Variants in SIMC1 observed in about 807,000 individuals in gnomAD.
SIMC1 encodes SUMO interacting motifs containing 1.
A neutral mutation model predicts 82.3 loss-of-function variants in SIMC1; 55 were observed. That is an observed-to-expected ratio of 0.67 (90% confidence interval 0.54 to 0.84). SIMC1 has a LOEUF of 0.84. Among genes scored for constraint, SIMC1 ranks in the 40% least tolerant of loss-of-function variants. The pLI is 0.00. For synonymous variants in SIMC1, 353 were observed against 426.3 expected (o/e 0.83, Z 2.12); for missense variants, 915 against 1,107.2 (o/e 0.83, Z 2.46).
intron 5 of SIMC1, among the ~76,000 whole-genome samples, chr5:176,316,377 G>A (rs553142229): frequency 1.3e-5 from 2 of 151,230 alleles, no homozygotes; most frequent in Non-Finnish European, 2.9e-5. Context: ...TTAAAGATAG[G>A]CATTTAAGGC....
intron 4 of SIMC1, among the ~76,000 whole-genome samples, chr5:176,300,030 GA>G (rs983428821): frequency 2.0e-5 from 3 of 151,748 alleles, no homozygotes; most frequent in Non-Finnish European, 4.4e-5. Flanking sequence ...ATGGTTCAGA[GA>G]AAAAAAATCT....
Position 176,243,759 on chromosome 5 carries a change from T to G in SIMC1, c.129+5122T>G, listed in dbSNP as rs186819688. The stretch of plus-strand genomic sequence containing the variant: ...TGGTCTAGATCTCCTGACCTCATGA[T>G]CCACCCGCCTCGGCCTCCCAAAGTG... On this transcript the variant is annotated intron_variant, in intron 1 of 9. Coordinates refer to ENST00000429602, the MANE Select transcript of SIMC1 (RefSeq NM_001308195.2). 2.5e-3 allele frequency among the ~76,000 whole-genome samples: 386 copies of G among 152,248 alleles called. 3 individuals carry two copies. The highest frequency in any genetic ancestry group is 8.8e-3 in the African/African-American group (365 of 41,528).
At chr5:176,311,583 G>C (rs956485972) in intron 4 of SIMC1, among the ~76,000 whole-genome samples, 5 of 151,578 alleles carry the variant, frequency 3.3e-5, no homozygotes, top group African/African-American at 1.2e-4. Flanking sequence ...AATTATTTGG[G>C]GAAAATAGGT....
At chr5:176,321,156 A>G (rs1219682476) in intron 5 of SIMC1, among the ~76,000 whole-genome samples, 1 of 152,132 alleles carries the variant, frequency 6.6e-6, no homozygotes, top group Non-Finnish European at 1.5e-5. Context: ...CCTATAAAAT[A>G]TATTTTTTTA....
chr5:176,270,004 G>A (rs537686654), intron 1 of SIMC1, among the ~76,000 whole-genome samples: 42 of 151,220 alleles, frequency 2.8e-4, no homozygotes, highest in Non-Finnish European at 4.3e-4. Flanking sequence ...AGATCCTCCC[G>A]CCTAGGCCTC....
intron 4 of SIMC1, among the ~76,000 whole-genome samples, chr5:176,311,099 A>G (rs2113338462): frequency 6.6e-6 from 1 of 152,336 alleles, no homozygotes; most frequent in South Asian, 2.1e-4. Flanking sequence ...GTAAGTGCCC[A>G]TGAGGGATCT....
At chr5:176,274,332 G>A (rs1481361561) in intron 1 of SIMC1, among the ~76,000 whole-genome samples, 5 of 148,846 alleles carry the variant, frequency 3.4e-5, no homozygotes, top group Non-Finnish European at 3.0e-5. Flanking sequence ...CATGTCCTTC[G>A]CCCACTTTTT....
chr5:176,289,540 C>G, intron 1 of SIMC1, 114 bp from the exon 2 acceptor site: 1 of 787,358 alleles, frequency 1.3e-6, no homozygotes, highest in Non-Finnish European at 2.0e-6. Flanking sequence ...TGTAACTTAT[C>G]AGTGAGGTGA....
At chr5:176,316,427 G>A (rs939660104) in intron 5 of SIMC1, among the ~76,000 whole-genome samples, 2 of 151,150 alleles carry the variant, frequency 1.3e-5, no homozygotes, top group Non-Finnish European at 2.9e-5. Flanking sequence ...AACACTTTGG[G>A]AGGCCAAGGT....
At chr5:176,297,492 A>T (rs2113287492) in intron 4 of SIMC1, among the ~76,000 whole-genome samples, 1 of 147,850 alleles carries the variant, frequency 6.8e-6, no homozygotes, top group East Asian at 2.0e-4. Context: ...GCAAGAGCGA[A>T]ACTCTGTCTC....
chr5:176,286,889 C>T (rs942737578), intron 1 of SIMC1, among the ~76,000 whole-genome samples: 15 of 152,210 alleles, frequency 9.9e-5, no homozygotes, highest in Non-Finnish European at 1.8e-4. Flanking sequence ...TGCTCATCAT[C>T]ACTGGCTATC....
At chr5:176,243,709 C>T (rs1443355891) in intron 1 of SIMC1, among the ~76,000 whole-genome samples, 4 of 151,916 alleles carry the variant, frequency 2.6e-5, no homozygotes, top group African/African-American at 4.8e-5. Flanking sequence ...TTAGTAGAGA[C>T]GGGGTTTCAC....
rs553981919 is a variant in SIMC1 at position 176,271,929 on chromosome 5, TA to T, written c.130-17723del. ...TAGTATATAATTGTATATTATATTA[TA>T]ATATATACTATTATATATTATATAT... is the stretch of plus-strand genomic sequence containing the variant. On this transcript the variant is annotated intron_variant, in intron 1 of 9. Coordinates refer to ENST00000429602, the MANE Select transcript of SIMC1 (RefSeq NM_001308195.2). Among the ~76,000 whole-genome samples, 145 of 47,102 alleles carry T rather than the reference TA, an allele frequency of 3.1e-3. 1 individual carries two copies. Among genetic ancestry groups the T allele is most frequent in the African/African-American group, 5.7e-3 (140 of 24,774 alleles). The allele number at this position is 47,102 out of a possible 152,430, so 30.9% of individuals were successfully genotyped here.
At chr5:176,246,744 T>C (rs1456649291) in intron 1 of SIMC1, among the ~76,000 whole-genome samples, 1 of 152,002 alleles carries the variant, frequency 6.6e-6, no homozygotes, top group African/African-American at 2.4e-5. Context: ...TTTCTCCTAA[T>C]GCAATCCCTC....
chr5:176,307,282 T>G (rs535528377), intron 4 of SIMC1, among the ~76,000 whole-genome samples: 1 of 152,368 alleles, frequency 6.6e-6, no homozygotes, highest in East Asian at 1.9e-4. Context: ...ATATAGAGTT[T>G]CAGTTTTGCA....
chr5:176,339,312 C>A (rs1465018507), intron 9 of SIMC1, among the ~76,000 whole-genome samples: 3 of 152,044 alleles, frequency 2.0e-5, no homozygotes, highest in African/African-American at 4.8e-5. Flanking sequence ...TGCAGTGAGC[C>A]AAGATCGTAC....
chr5:176,294,980 A>T (rs766884758), intron 2 of SIMC1, 50 bp from the exon 3 acceptor site: 1 of 1,535,072 alleles, frequency 6.5e-7, no homozygotes, highest in East Asian at 2.3e-5. Flanking sequence ...AAAAAAAAAA[A>T]AAAAAAGAAA....
At position 176,290,203 on chromosome 5, in the gene SIMC1, C is replaced by G; in HGVS notation, c.679C>G (p.Pro227Ala). The G allele has an allele frequency of 6.2e-7, 1 of 1,611,638 alleles. No individual in the cohort carries two copies. The highest frequency in any genetic ancestry group is 8.5e-7 in the Non-Finnish European group (1 of 1,179,034). ...QALPCPLRPL[P>A]CPPRASPCPP... ...CTTGCCGTGCCCCCTGCGACCTTTGCCATGCCCACCGAGAGCCTCACCATG... is the reference window on the plus strand; with the variant it reads ...CTTGCCGTGCCCCCTGCGACCTTTGGCATGCCCACCGAGAGCCTCACCATG... Residue 227 changes from proline to alanine, a missense_variant, in exon 2 of 10, where the codon CCA (proline) becomes GCA (alanine). Pro to Ala is a conservative substitution (Grantham distance 27, BLOSUM62 -1). Coordinates refer to ENST00000429602, the MANE Select transcript of SIMC1 (RefSeq NM_001308195.2).
At chr5:176,300,882 A>G (rs184288817) in intron 4 of SIMC1, among the ~76,000 whole-genome samples, 1 of 152,332 alleles carries the variant, frequency 6.6e-6, no homozygotes, top group East Asian at 1.9e-4. Flanking sequence ...AAACCTACCA[A>G]GATTGACTCA....
Sources: allele counts gnomAD v4.1 joint callset (sites outside exome capture counted in the v4.1 genomes callset), GRCh38; gene constraint gnomAD v4.1.1; transcripts MANE v1.5; gene names NCBI Gene and HGNC (gene_info 2026-07-23, HGNC 2026-07-21).